The following RASAL2 variants were observed in gnomAD, a reference collection of about 807,000 sequenced individuals.
RASAL2 encodes RAS protein activator like 2.
In RASAL2, 58 loss-of-function variants were observed where a neutral mutation model predicts 128.9. That is an observed-to-expected ratio of 0.45 (90% CI 0.36 to 0.56). RASAL2 has a LOEUF of 0.56. RASAL2 is among the 20% of genes least tolerant of loss of function. The pLI is 0.00. For missense variants in RASAL2, 1,360 were observed against 1,601.6 expected (o/e 0.85, Z 2.57); for synonymous variants, 561 against 580.8 (o/e 0.97, Z 0.49).
intron 1 of RASAL2, among the ~76,000 whole-genome samples, chr1:178,267,660 C>T (rs1173615264): frequency 3.6e-5 from 5 of 139,266 alleles, no homozygotes; most frequent in African/African-American, 8.2e-5. Context: ...CTTGCTCTGT[C>T]GCCCAGCTGG....
At chr1:178,208,537 C>T (rs1158553970) in intron 1 of RASAL2, among the ~76,000 whole-genome samples, 3 of 152,108 alleles carry the variant, frequency 2.0e-5, no homozygotes, top group Non-Finnish European at 4.4e-5. Flanking sequence ...ACCCTGTTCT[C>T]CGTTGTTTAA....
intron 1 of RASAL2, among the ~76,000 whole-genome samples, chr1:178,136,589 C>T (rs1212875442): frequency 1.3e-5 from 2 of 151,470 alleles, no homozygotes; most frequent in African/African-American, 4.9e-5. Flanking sequence ...AACCCTGTCT[C>T]TACCAAAAAA....
intron 3 of RASAL2, among the ~76,000 whole-genome samples, chr1:178,312,446 T>A (rs961930920): frequency 4.6e-5 from 7 of 152,192 alleles, no homozygotes; most frequent in African/African-American, 1.7e-4. Flanking sequence ...AGCTGTAAAC[T>A]ATTAGTCAAA....
rs1661517381 is a variant in RASAL2 at position 178,166,467 on chromosome 1, T to C, written c.202+71773T>C. ...AAGCAATTAGTGTCAATTATAATGATTAAAAAGAACATCTTTTAAAAATAA... is the reference window on the plus strand; with the variant it reads ...AAGCAATTAGTGTCAATTATAATGACTAAAAAGAACATCTTTTAAAAATAA... On this transcript the variant is annotated intron_variant, in intron 1 of 17. Coordinates refer to ENST00000367649, the MANE Select transcript of RASAL2 (RefSeq NM_170692.4). Among the ~76,000 whole-genome samples the C allele has an allele frequency of 2.0e-5, 3 of 152,182 alleles. No individual in the cohort carries two copies. In the South Asian group the frequency reaches 6.2e-4, roughly 31 times the overall value.
chr1:178,187,906 C>T (rs191233820), intron 1 of RASAL2, among the ~76,000 whole-genome samples: 107 of 152,224 alleles, frequency 7.0e-4, no homozygotes, highest in African/African-American at 2.5e-3. Flanking sequence ...TGAGCCACAG[C>T]ACCTGGCCCC....
Position 178,220,033 on chromosome 1 carries a change from C to G in RASAL2, c.203-63531C>G, listed in dbSNP as rs921156873. 6.6e-5 allele frequency among the ~76,000 whole-genome samples: 10 copies of G among 151,828 alleles called. No individual in the cohort carries two copies. In the East Asian group the frequency reaches 1.9e-3, roughly 29 times the overall value. On this transcript the variant is annotated intron_variant, in intron 1 of 17. Coordinates refer to ENST00000367649, the MANE Select transcript of RASAL2 (RefSeq NM_170692.4). ...TGTTGTTTAAAAGAGTGTGGTATGTCCTCTCCTCTCTTTAACTCTCTCTCT... is the reference window on the plus strand; with the variant it reads ...TGTTGTTTAAAAGAGTGTGGTATGTGCTCTCCTCTCTTTAACTCTCTCTCT...
intron 1 of RASAL2, among the ~76,000 whole-genome samples, chr1:178,164,714 A>C (rs1336500757): frequency 6.6e-6 from 1 of 151,860 alleles, no homozygotes; most frequent in Admixed American, 6.6e-5. Flanking sequence ...TAGTTGATAA[A>C]TTACCTATTT....
At chr1:178,374,584 A>G (rs1464458627) in intron 3 of RASAL2, among the ~76,000 whole-genome samples, 1 of 152,148 alleles carries the variant, frequency 6.6e-6, no homozygotes, top group African/African-American at 2.4e-5. Context: ...ACAACTGTGC[A>G]CTGTTATTAA....
At chr1:178,463,677 T>C (rs1647340589) in intron 14 of RASAL2, among the ~76,000 whole-genome samples, 1 of 152,168 alleles carries the variant, frequency 6.6e-6, no homozygotes, top group Non-Finnish European at 1.5e-5. Context: ...TTTCTCTAAA[T>C]CAATAATATG....
chr1:178,337,883 C>T (rs1050878690), intron 3 of RASAL2, among the ~76,000 whole-genome samples: 1 of 151,904 alleles, frequency 6.6e-6, no homozygotes, highest in African/African-American at 2.4e-5. Flanking sequence ...AGGCGCCTGC[C>T]ACCACGCCTG....
At chr1:178,373,274 C>CTTTTTT (rs60835442) in intron 3 of RASAL2, among the ~76,000 whole-genome samples, 1 of 60,072 alleles carries the variant, frequency 1.7e-5, no homozygotes, top group African/African-American at 7.4e-5. Flanking sequence ...TGTTTCTTTC[C>CTTTTTT]TTTTTTTTTT....
At position 178,177,005 on chromosome 1, in the gene RASAL2, C is replaced by T. The variant is rs79582961; in HGVS notation, c.202+82311C>T. ...GATTCTATTTCAGGGATTCTTTATACAGAAAATTAGTCTAAATTTTGCTAG... is the reference window on the plus strand; with the variant it reads ...GATTCTATTTCAGGGATTCTTTATATAGAAAATTAGTCTAAATTTTGCTAG... On this transcript the variant is annotated intron_variant, in intron 1 of 17. Coordinates refer to ENST00000367649, the MANE Select transcript of RASAL2 (RefSeq NM_170692.4). Among the ~76,000 whole-genome samples the T allele has an allele frequency of 4.9e-3, 740 of 152,218 alleles. 11 individuals are homozygous for T. The highest frequency in any genetic ancestry group is 0.017 in the African/African-American group (708 of 41,540).
intron 1 of RASAL2, among the ~76,000 whole-genome samples, chr1:178,227,361 T>G (rs1019551096): frequency 1.1e-4 from 16 of 152,234 alleles, no homozygotes; most frequent in Admixed American, 1.0e-3. Flanking sequence ...GGTGCAGTTT[T>G]GCTTAGTGCA....
In RASAL2 at chr1:178,282,484, T is replaced by G. The variant is rs572466323; in HGVS notation, c.203-1080T>G. Among the ~76,000 whole-genome samples the G allele has an allele frequency of 5.9e-5, 9 of 152,314 alleles. No individual in the cohort carries two copies. In the South Asian group the frequency reaches 1.9e-3, roughly 32 times the overall value. ...AGACACCTAGGAAATTATTTGCCTT[T>G]CCTTGAAGTCAAGCCAGTGCCAGTA... On this transcript the variant is annotated intron_variant, in intron 1 of 17. Coordinates refer to ENST00000367649, the MANE Select transcript of RASAL2 (RefSeq NM_170692.4).
chr1:178,256,248 G>GA (rs1665338329), intron 1 of RASAL2, among the ~76,000 whole-genome samples: 1 of 151,910 alleles, frequency 6.6e-6, no homozygotes, highest in Non-Finnish European at 1.5e-5. Flanking sequence ...TAGAATAAAG[G>GA]AAAAAAACAT....
At chr1:178,192,156 G>T (rs950051331) in intron 1 of RASAL2, among the ~76,000 whole-genome samples, 14 of 152,208 alleles carry the variant, frequency 9.2e-5, no homozygotes, top group African/African-American at 3.4e-4. Context: ...GATGGGAAAG[G>T]GAGTTGAAAA....
At chr1:178,193,776 G>A (rs548538322) in intron 1 of RASAL2, among the ~76,000 whole-genome samples, 1 of 14,738 alleles carries the variant, frequency 6.8e-5, no homozygotes, top group South Asian at 0.026. Flanking sequence ...TTGACACAAA[G>A]AATTTTTTTT....
At chr1:178,344,396 G>A (rs1166237487) in intron 3 of RASAL2, among the ~76,000 whole-genome samples, 2 of 152,098 alleles carry the variant, frequency 1.3e-5, no homozygotes, top group East Asian at 3.9e-4. Context: ...CAAAAGATAG[G>A]GGCCAGGAGC....
chr1:178,434,206 C>G (rs1457246994), intron 5 of RASAL2, among the ~76,000 whole-genome samples: 2 of 151,964 alleles, frequency 1.3e-5, no homozygotes, highest in Non-Finnish European at 2.9e-5. Context: ...AATTTAAGGA[C>G]AAAAAGATAT....
Sources: gnomAD v4.1 joint callset for allele counts (sites outside exome capture counted in the v4.1 genomes callset) on GRCh38, gnomAD v4.1.1 for gene constraint, MANE v1.5 for transcripts, NCBI Gene and HGNC (gene_info 2026-07-23, HGNC 2026-07-21) for gene names.